The following PIWIL2 variants were observed in gnomAD, a reference collection of about 807,000 sequenced individuals.
PIWIL2 encodes piwi like RNA-mediated gene silencing 2, also known as piwi-like protein 2.
A neutral mutation model predicts 116.5 loss-of-function variants in PIWIL2; 81 were observed. The observed-to-expected ratio is 0.70, with a 90% confidence interval of 0.58 to 0.84. The LOEUF (loss-of-function observed/expected upper bound fraction) is 0.84, where lower values mean the gene tolerates loss of function less well. Ranked by LOEUF, PIWIL2 falls within the 40% of genes least tolerant of loss-of-function variation. The pLI is 0.00. For missense variants in PIWIL2, 1,272 were observed against 1,212.3 expected, an observed-to-expected ratio of 1.05 and a Z score of -0.73; for synonymous variants, 489 against 429.5, an observed-to-expected ratio of 1.14 and a Z score of -1.71.
At position 22,281,395 on chromosome 8, in the gene PIWIL2, G is replaced by A. The variant is rs202094774; in HGVS notation, c.305G>A (p.Arg102Gln). The change falls in exon 4 of 23, where the codon CGA (arginine) becomes CAA (glutamine). Residue 102 changes from arginine (R) to glutamine (Q), a missense_variant. Coordinates refer to ENST00000356766, the MANE Select transcript of PIWIL2 (RefSeq NM_018068.5). ...CTTTCAGGTAGAGGCATTTTAGGTC[G>A]AGGCTTGTCTGCTAATCTGGTACGC... is the stretch of plus-strand genomic sequence containing the variant. ...MLPSGRGILG[R>Q]GLSANLVRKD... The A allele has an allele frequency of 1.6e-5, 26 of 1,609,826 alleles. No homozygotes were observed. Among genetic ancestry groups the A allele is most frequent in the African/African-American group, 9.4e-5 (7 of 74,644 alleles).
chr8:22,310,979 A>T, intron 15 of PIWIL2, 133 bp from the exon 16 acceptor site: 1 of 735,726 alleles, frequency 1.4e-6, no homozygotes, highest in Non-Finnish European at 2.3e-6. Context: ...CGTTCATGTT[A>T]ATACAGGAGT....
intron 20 of PIWIL2, among the ~76,000 whole-genome samples, chr8:22,344,298 T>C (rs747083244): frequency 5.3e-5 from 8 of 152,134 alleles, no homozygotes; most frequent in Admixed American, 1.3e-4. Context: ...TCAAAACCCA[T>C]AGAACTGTAC....
At chr8:22,320,172 A>G (rs1021216018) in intron 20 of PIWIL2, among the ~76,000 whole-genome samples, 1 of 151,362 alleles carries the variant, frequency 6.6e-6, no homozygotes, top group African/African-American at 2.4e-5. Flanking sequence ...CGTCTTGGCC[A>G]GGCTGGTCTT....
chr8:22,331,793 CCTCTTCTT>C (rs1831867702), intron 20 of PIWIL2, among the ~76,000 whole-genome samples: 1 of 152,014 alleles, frequency 6.6e-6, no homozygotes, highest in East Asian at 1.9e-4. Flanking sequence ...GTCCTCATCT[CCTCTTCTT>C]ATGAGGACAT....
At chr8:22,350,413 G>C (rs1487155219) in intron 20 of PIWIL2, among the ~76,000 whole-genome samples, 1 of 151,866 alleles carries the variant, frequency 6.6e-6, no homozygotes, top group Admixed American at 6.6e-5. Flanking sequence ...CAGGCAACAT[G>C]GTGAAACCTC....
chr8:22,316,474 ATTT>A, intron 19 of PIWIL2, 141 bp downstream of exon 19: 1 of 541,000 alleles, frequency 1.8e-6, no homozygotes. Flanking sequence ...CTTCATGTGA[ATTT>A]TTTTTTTCGG....
chr8:22,294,590 G>C (rs1298095680), intron 10 of PIWIL2, among the ~76,000 whole-genome samples: 2 of 133,850 alleles, frequency 1.5e-5, no homozygotes, highest in African/African-American at 5.7e-5. Flanking sequence ...GCAGTGAGCC[G>C]AGATTGTGCC....
chr8:22,325,733 C>T (rs1223572658), intron 20 of PIWIL2, among the ~76,000 whole-genome samples: 3 of 152,148 alleles, frequency 2.0e-5, no homozygotes, highest in Non-Finnish European at 4.4e-5. Flanking sequence ...ATCTCCCTGC[C>T]TCAGCCTCCC....
At chr8:22,349,355 C>A (rs187350713) in intron 20 of PIWIL2, among the ~76,000 whole-genome samples, 1 of 148,202 alleles carries the variant, frequency 6.7e-6, no homozygotes. Context: ...CTTTGTGCTT[C>A]GGAATATCTG....
At chr8:22,305,326 G>C (rs1831150336) in intron 12 of PIWIL2, among the ~76,000 whole-genome samples, 1 of 152,148 alleles carries the variant, frequency 6.6e-6, no homozygotes, top group East Asian at 1.9e-4. Context: ...CTGAGTAGCT[G>C]GGACTACAGG....
chr8:22,277,725 G>A (rs754499072), intron 1 of PIWIL2, among the ~76,000 whole-genome samples: 7 of 152,090 alleles, frequency 4.6e-5, no homozygotes, highest in Non-Finnish European at 1.0e-4. Flanking sequence ...ATTCGGAGAA[G>A]CAGCTAAACA....
chr8:22,345,147 C>G (rs1012863202), intron 20 of PIWIL2, among the ~76,000 whole-genome samples: 33 of 152,230 alleles, frequency 2.2e-4, no homozygotes, highest in Admixed American at 1.9e-3. Flanking sequence ...CTGTGAATAG[C>G]CACAATACTC....
intron 5 of PIWIL2, 131 bp downstream of exon 5, chr8:22,283,371 T>G: frequency 1.5e-6 from 1 of 677,560 alleles, no homozygotes; most frequent in South Asian, 1.7e-5. Flanking sequence ...GGTGTTTTGT[T>G]TTTTGCCAGT....
chr8:22,303,848 G>A (rs919381154), intron 10 of PIWIL2, among the ~76,000 whole-genome samples, 173 bp from the exon 11 acceptor site: 1 of 152,238 alleles, frequency 6.6e-6, no homozygotes, highest in Middle Eastern at 3.4e-3. Flanking sequence ...TAAAATGCTG[G>A]GATTACAAGC....
chr8:22,311,652 C>T (rs999023445), intron 16 of PIWIL2, among the ~76,000 whole-genome samples: 2 of 152,210 alleles, frequency 1.3e-5, no homozygotes, highest in African/African-American at 2.4e-5. Flanking sequence ...CTGCCTCAGT[C>T]CGGCCTGGTT....
intron 20 of PIWIL2, among the ~76,000 whole-genome samples, chr8:22,325,310 G>A (rs900520240): frequency 6.6e-6 from 1 of 152,114 alleles, no homozygotes; most frequent in African/African-American, 2.4e-5. Context: ...ACTCCTGAAA[G>A]TGTGTAAGCC....
At chr8:22,328,508 C>G (rs772008951) in intron 20 of PIWIL2, among the ~76,000 whole-genome samples, 2 of 152,208 alleles carry the variant, frequency 1.3e-5, no homozygotes, top group Non-Finnish European at 1.5e-5. Flanking sequence ...TATTGAATAT[C>G]TAGATTACTT....
At chr8:22,295,577 C>T (rs1830878276) in intron 10 of PIWIL2, among the ~76,000 whole-genome samples, 1 of 151,092 alleles carries the variant, frequency 6.6e-6, no homozygotes, top group African/African-American at 2.4e-5. Context: ...ACACATGGAC[C>T]CTCTCAGTGT....
At chr8:22,285,882 T>G (rs1355570892) in intron 6 of PIWIL2, among the ~76,000 whole-genome samples, 1 of 152,068 alleles carries the variant, frequency 6.6e-6, no homozygotes, top group African/African-American at 2.4e-5. Context: ...TGACCTCAAG[T>G]AATCCACCTG....
Sources: allele counts gnomAD v4.1 joint callset (sites outside exome capture counted in the v4.1 genomes callset), GRCh38; gene constraint gnomAD v4.1.1; transcripts MANE v1.5; gene names NCBI Gene and HGNC (gene_info 2026-07-23, HGNC 2026-07-21).